The following MYO10 variants were observed in gnomAD, a reference collection of about 807,000 sequenced individuals.
MYO10 encodes myosin X.
In MYO10, 133 loss-of-function variants were observed where a neutral mutation model predicts 257.3. That is an observed-to-expected ratio of 0.52 (90% CI 0.45 to 0.60). The LOEUF (loss-of-function observed/expected upper bound fraction) is 0.60, where lower values mean the gene tolerates loss of function less well. Ranked by LOEUF, MYO10 falls within the 20% of genes least tolerant of loss-of-function variation. The probability of loss-of-function intolerance (pLI) is 0.00; values close to 1 mark genes in which losing one functional copy is unlikely to be tolerated. For missense variants in MYO10, 2,399 were observed against 2,635.7 expected, an observed-to-expected ratio of 0.91 and a Z score of 1.97; for synonymous variants, 1,104 against 1,028.6, an observed-to-expected ratio of 1.07 and a Z score of -1.40.
chr5:16,721,670 A>G (rs1007739615), intron 19 of MYO10, among the ~76,000 whole-genome samples: 2 of 152,072 alleles, frequency 1.3e-5, no homozygotes, highest in Non-Finnish European at 2.9e-5. Flanking sequence ...ACCAAGTACA[A>G]CCTTCAACCC....
intron 40 of MYO10, 33 bp downstream of exon 40, chr5:16,668,244 T>C (rs374814824): frequency 6.4e-6 from 10 of 1,573,962 alleles, no homozygotes; most frequent in African/African-American, 4.1e-5. Context: ...GTCAAGACCA[T>C]GAATAAAAAG....
At chr5:16,806,647 C>CAAAAA (rs11378656) in intron 3 of MYO10, among the ~76,000 whole-genome samples, 3 of 143,876 alleles carry the variant, frequency 2.1e-5, no homozygotes, top group Admixed American at 6.9e-5. Flanking sequence ...GACTCCGTCT[C>CAAAAA]AAAAAAAAAA....
At chr5:16,809,243 C>T (rs1005240555) in intron 3 of MYO10, among the ~76,000 whole-genome samples, 10 of 152,248 alleles carry the variant, frequency 6.6e-5, no homozygotes, top group Non-Finnish European at 1.3e-4. Context: ...AACTGCACTG[C>T]GTTCATCTGT....
chr5:16,718,720 C>T (rs1256861790), intron 19 of MYO10, among the ~76,000 whole-genome samples: 2 of 150,938 alleles, frequency 1.3e-5, no homozygotes, highest in African/African-American at 4.9e-5. Flanking sequence ...CGTGGAGAAC[C>T]TTTATGTCTA....
In MYO10 at chr5:16,670,658, G is replaced by A; in HGVS notation, c.5751C>T (p.Val1917=). The A allele has an allele frequency of 6.2e-7, 1 of 1,614,014 alleles. No homozygotes were observed. The highest frequency in any genetic ancestry group is 8.5e-7 in the Non-Finnish European group (1 of 1,179,894). Residue 1917 remains valine, a synonymous_variant, in exon 39 of 41, where the codon GTC becomes GTT. Coordinates refer to ENST00000513610, the MANE Select transcript of MYO10 (RefSeq NM_012334.3). ...CAATGATACTGGCTCGAGCAGAGGAGACTTCTTCCTTAATCCACATGTCCA... is the reference window on the plus strand; with the variant it reads ...CAATGATACTGGCTCGAGCAGAGGAAACTTCTTCCTTAATCCACATGTCCA... ...QMLDMWIKEE[V]SSARASIIDK...
At chr5:16,823,741 G>A (rs1240312034) in intron 2 of MYO10, among the ~76,000 whole-genome samples, 1 of 149,544 alleles carries the variant, frequency 6.7e-6, no homozygotes, top group South Asian at 2.2e-4. Flanking sequence ...CAAAATGTTG[G>A]GATTACAGGC....
chr5:16,784,516 G>A (rs1383226817), intron 4 of MYO10, among the ~76,000 whole-genome samples: 1 of 152,222 alleles, frequency 6.6e-6, no homozygotes, highest in Non-Finnish European at 1.5e-5. Context: ...AGAGAGACTT[G>A]AACGGAGAAA....
chr5:16,810,150 A>G (rs1459708311), intron 3 of MYO10, among the ~76,000 whole-genome samples: 1 of 152,144 alleles, frequency 6.6e-6, no homozygotes, highest in Non-Finnish European at 1.5e-5. Context: ...GATGCTGGGT[A>G]CATAATAATT....
intron 2 of MYO10, among the ~76,000 whole-genome samples, chr5:16,832,499 C>T (rs1160403307): frequency 1.3e-5 from 2 of 152,164 alleles, no homozygotes. Flanking sequence ...CTCTAACCCT[C>T]TGGTTTTAAA....
intron 2 of MYO10, among the ~76,000 whole-genome samples, chr5:16,874,344 C>CGGGGGGGGG (rs61697249): frequency 3.5e-5 from 1 of 28,478 alleles, no homozygotes; most frequent in Non-Finnish European, 6.7e-5. Flanking sequence ...AAAAAAAAAG[C>CGGGGGGGGG]GGGGGGGGGG....
intron 17 of MYO10, among the ~76,000 whole-genome samples, chr5:16,760,061 T>C (rs1240617023): frequency 6.6e-6 from 1 of 152,076 alleles, no homozygotes; most frequent in Non-Finnish European, 1.5e-5. Flanking sequence ...ACATGTGTTT[T>C]TGTTACAGAT....
chr5:16,739,050 A>C (rs60500565), intron 19 of MYO10, among the ~76,000 whole-genome samples: 1 of 151,972 alleles, frequency 6.6e-6, no homozygotes, highest in South Asian at 2.1e-4. Context: ...AGCCAGGAGC[A>C]GTGGTGTGCC....
In MYO10 at chr5:16,838,239, C is replaced by A. The variant is rs1196021478; in HGVS notation, c.121-20072G>T. ...GGCGAAAGTTAAGACAAGCTGGAAG[C>A]CAAACAGCCAAGTTGCAAAGGTAAA... On this transcript the variant is annotated intron_variant, in intron 2 of 40. Transcript: ENST00000513610. 2.6e-5 allele frequency among the ~76,000 whole-genome samples: 4 copies of A among 152,166 alleles called. No homozygotes were observed. The East Asian group carries it at 7.7e-4, about 29-fold the overall frequency.
intron 2 of MYO10, among the ~76,000 whole-genome samples, chr5:16,863,823 TGCG>T (rs1488530791): frequency 6.6e-6 from 1 of 152,144 alleles, no homozygotes; most frequent in Non-Finnish European, 1.5e-5. Flanking sequence ...CCGGGCCAGG[TGCG>T]GTGGCTCATG....
chr5:16,721,378 T>A (rs1739145711), intron 19 of MYO10, among the ~76,000 whole-genome samples: 1 of 152,250 alleles, frequency 6.6e-6, no homozygotes, highest in South Asian at 2.1e-4. Context: ...AATATAACTT[T>A]CCTGACCTTG....
At chr5:16,837,136 C>T (rs944358760) in intron 2 of MYO10, among the ~76,000 whole-genome samples, 1 of 152,026 alleles carries the variant, frequency 6.6e-6, no homozygotes, top group African/African-American at 2.4e-5. Context: ...CATGGAGAAA[C>T]CCCATCTCTA....
intron 27 of MYO10, among the ~76,000 whole-genome samples, chr5:16,690,574 C>T (rs1180993221): frequency 6.6e-6 from 1 of 152,130 alleles, no homozygotes; most frequent in African/African-American, 2.4e-5. Flanking sequence ...CCAGACAGGC[C>T]AGGGGCAGCA....
chr5:16,852,107 A>G (rs1743824370), intron 2 of MYO10, among the ~76,000 whole-genome samples: 1 of 149,032 alleles, frequency 6.7e-6, no homozygotes, highest in Non-Finnish European at 1.5e-5. Flanking sequence ...GGAAGGAAAG[A>G]AGGAAGGAAG....
intron 3 of MYO10, among the ~76,000 whole-genome samples, chr5:16,813,039 C>A (rs1441702424): frequency 6.6e-6 from 1 of 151,988 alleles, no homozygotes; most frequent in Non-Finnish European, 1.5e-5. Flanking sequence ...AAAGACCAGT[C>A]CCCAAGGAGA....
Sources: allele counts gnomAD v4.1 joint callset (sites outside exome capture counted in the v4.1 genomes callset), GRCh38; gene constraint gnomAD v4.1.1; transcripts MANE v1.5; gene names NCBI Gene and HGNC (gene_info 2026-07-23, HGNC 2026-07-21).